ATIC: variants seen among roughly 807,000 people sequenced by gnomAD.
The protein encoded by ATIC is 5-aminoimidazole-4-carboxamide ribonucleotide formyltransferase/IMP cyclohydrolase.
ATIC carries 64 observed loss-of-function variants against 72.5 expected under a neutral mutation model. That is an observed-to-expected ratio of 0.88 (90% CI 0.72 to 1.09). The LOEUF (loss-of-function observed/expected upper bound fraction) is 1.09, where lower values mean the gene tolerates loss of function less well. Ranked by LOEUF, ATIC falls within the 50% of genes least tolerant of loss-of-function variation. ATIC has a pLI of 0.00. For synonymous variants in ATIC, 281 were observed against 267.1 expected, an observed-to-expected ratio of 1.05 and a Z score of -0.51; for missense variants, 787 against 732.4, an observed-to-expected ratio of 1.07 and a Z score of -0.86.
At chr2:215,325,352 G>A in intron 5 of ATIC, 23 bp downstream of exon 5, 1 of 1,533,004 alleles carries the variant, frequency 6.5e-7, no homozygotes, top group Non-Finnish European at 9.0e-7. Flanking sequence ...AACCATTTTA[G>A]AAGACTGAGA....
intron 14 of ATIC, 96 bp downstream of exon 14, chr2:215,347,037 G>C: frequency 7.1e-7 from 1 of 1,415,862 alleles, no homozygotes; most frequent in Non-Finnish European, 9.8e-7. Flanking sequence ...CAGAGAAAAA[G>C]ATACTTTCAT....
At position 215,312,060 on chromosome 2, in the gene ATIC, C is replaced by CCA. The variant is rs1443903422; in HGVS notation, c.-80_-79dup. On this transcript the variant is annotated 5_prime_UTR_variant, in exon 1 of 16. Transcript: ENST00000236959. ...CTCCGCCCCCTCGCTTCCTGAGCCG[C>CCA]CACATCCCGGCAGCCCTCCTACCTG... The CCA allele has an allele frequency of 5.9e-6, 9 of 1,518,658 alleles. No homozygotes were observed. The Admixed American group carries it at 1.8e-4, about 30-fold the overall frequency. 94.1% of individuals were successfully genotyped at this position (1,518,658 alleles called of 1,614,324 possible).
Position 215,319,645 on chromosome 2 carries a change from G to T in ATIC, c.224-20G>T. The T allele has an allele frequency of 6.3e-7, 1 of 1,576,226 alleles. No individual in the cohort carries two copies. Among genetic ancestry groups the T allele is most frequent in the Non-Finnish European group, 8.7e-7 (1 of 1,145,718 alleles). ...CTTGTTTTTTGAAGCTAATGACTTT[G>T]TTTAACTTTTTTAAATTAGGAATCC... On this transcript the variant is annotated intron_variant, in intron 3 of 15. Transcript: ENST00000236959.
At position 215,312,075 on chromosome 2, in the gene ATIC, C is replaced by G; in HGVS notation, c.-68C>G. 1 of 1,527,872 alleles carries G rather than the reference C, an allele frequency of 6.5e-7. No individual in the cohort carries two copies. Among genetic ancestry groups the G allele is most frequent in the Non-Finnish European group, 8.8e-7 (1 of 1,142,706 alleles). The allele number at this position is 1,527,872 out of a possible 1,614,324, so 94.6% of individuals were successfully genotyped here. Reference sequence around the variant, plus strand: ...TCCTGAGCCGCCACATCCCGGCAGCCCTCCTACCTGCGCACGTGGTGCCGC... The same window carrying G: ...TCCTGAGCCGCCACATCCCGGCAGCGCTCCTACCTGCGCACGTGGTGCCGC... On this transcript the variant is annotated 5_prime_UTR_variant, in exon 1 of 16. Coordinates refer to ENST00000236959, the MANE Select transcript of ATIC (RefSeq NM_004044.7).
At chr2:215,358,020 C>G in the ATIC span, among the ~76,000 whole-genome samples, 1 of 152,102 alleles carries the variant, frequency 6.6e-6, no homozygotes. Context: ...TTTCATACCA[C>G]TAGAAATGGA....
intron 7 of ATIC, among the ~76,000 whole-genome samples, chr2:215,330,965 G>T (rs922935597): frequency 1.3e-5 from 2 of 152,088 alleles, no homozygotes; most frequent in Non-Finnish European, 2.9e-5. Flanking sequence ...CTTTTTGTGG[G>T]TTGGTAGCTT....
intron 6 of ATIC, among the ~76,000 whole-genome samples, chr2:215,326,609 C>T (rs1172798508): frequency 2.1e-5 from 2 of 93,104 alleles, no homozygotes; most frequent in Admixed American, 2.3e-4. Flanking sequence ...GACTTTGTCT[C>T]AAAAAAAAAA....
At chr2:215,333,710 T>C (rs2052921852) in intron 9 of ATIC, among the ~76,000 whole-genome samples, 1 of 152,208 alleles carries the variant, frequency 6.6e-6, no homozygotes, top group Non-Finnish European at 1.5e-5. Context: ...AGATTGATTC[T>C]GTGAGTACCT....
intron 1 of ATIC, 146 bp from the exon 2 acceptor site, chr2:215,312,352 T>C: frequency 1.3e-6 from 2 of 1,527,322 alleles, no homozygotes; most frequent in African/African-American, 1.4e-5. Flanking sequence ...GTGTAAGACC[T>C]GGGGAGGCCC....
Position 215,312,418 on chromosome 2 carries a change from C to T in ATIC, c.20-80C>T, listed in dbSNP as rs2052663327. 6.8e-6 allele frequency: 11 copies of T among 1,609,690 alleles called. No homozygotes were observed. The Admixed American group carries it at 8.3e-5, about 12-fold the overall frequency. ...GCTGGCCTTGCGATTCGAGAATCTCCTCCCCCAGACCCTCCCAAGGCCTTG... is the reference window on the plus strand; with the variant it reads ...GCTGGCCTTGCGATTCGAGAATCTCTTCCCCCAGACCCTCCCAAGGCCTTG... On this transcript the variant is annotated intron_variant, in intron 1 of 15. Coordinates refer to ENST00000236959, the MANE Select transcript of ATIC (RefSeq NM_004044.7).
downstream of ATIC, among the ~76,000 whole-genome samples, chr2:215,354,450 C>A (rs529733375): frequency 1.3e-5 from 2 of 152,230 alleles, no homozygotes; most frequent in East Asian, 3.9e-4. Context: ...TATTTCTGTT[C>A]TTTGTGCTAA....
chr2:215,361,881 A>C, the ATIC span: 1 of 1,524,236 alleles, frequency 6.6e-7, no homozygotes, highest in Non-Finnish European at 8.9e-7. Flanking sequence ...TTAATTAATT[A>C]AAACACTTGG....
At chr2:215,336,260 T>TA (rs1340356845) in intron 11 of ATIC, 136 bp downstream of exon 11, 2 of 718,816 alleles carry the variant, frequency 2.8e-6, no homozygotes, top group East Asian at 2.7e-5. Context: ...ATCCTGCATT[T>TA]AAAAAAATAC....
At chr2:215,360,463 CT>C in the ATIC span, 1 of 152,108 alleles carries the variant, frequency 6.6e-6, no homozygotes, top group African/African-American at 2.4e-5. Context: ...CTTTTAATAT[CT>C]TAGTCATTTT....
Position 215,312,217 on chromosome 2 carries a change from C to T in ATIC, c.19+56C>T, listed in dbSNP as rs1050707817. Reference sequence around the variant, plus strand: ...GTCCTCGCCTGCGGCCCCCCACGCTCCCGCCTTGGCGGCGGCCGGCGGGAC... The same window carrying T: ...GTCCTCGCCTGCGGCCCCCCACGCTTCCGCCTTGGCGGCGGCCGGCGGGAC... On this transcript the variant is annotated intron_variant, in intron 1 of 15. Transcript: ENST00000236959. 1.7e-5 allele frequency: 25 copies of T among 1,464,222 alleles called. No individual in the cohort carries two copies. In the Admixed American group the frequency reaches 5.2e-4, roughly 31 times the overall value. The allele number at this position is 1,464,222 out of a possible 1,614,324, so 90.7% of individuals were successfully genotyped here.
intron 6 of ATIC, 23 bp downstream of exon 6, chr2:215,326,161 TG>T (rs746621076): frequency 1.2e-5 from 20 of 1,613,418 alleles, no homozygotes; most frequent in Non-Finnish European, 1.6e-5. Flanking sequence ...TTCATGATAT[TG>T]TAAGTTACAT....
the ATIC span, chr2:215,362,202 A>G: frequency 2.8e-6 from 2 of 724,938 alleles, no homozygotes; most frequent in East Asian, 5.3e-5. Context: ...GCAGTTAATC[A>G]CTAAGCAAGC....
At chr2:215,361,287 A>G in the ATIC span, 2 of 410,338 alleles carry the variant, frequency 4.9e-6, no homozygotes, top group South Asian at 3.1e-5. Context: ...ACCAAATCTT[A>G]GAATCACTTC....
chr2:215,339,957 C>T (rs538927489), intron 12 of ATIC, among the ~76,000 whole-genome samples: 1 of 150,608 alleles, frequency 6.6e-6, no homozygotes, highest in African/African-American at 2.4e-5. Flanking sequence ...TTTTAAGAGA[C>T]TTTTGAATGT....
Sources: gnomAD v4.1 joint callset for allele counts (sites outside exome capture counted in the v4.1 genomes callset) on GRCh38, gnomAD v4.1.1 for gene constraint, MANE v1.5 for transcripts, NCBI Gene and HGNC (gene_info 2026-07-23, HGNC 2026-07-21) for gene names.